The following IMMP2L variants were observed in gnomAD, a reference collection of about 807,000 sequenced individuals.
IMMP2L encodes inner mitochondrial membrane peptidase subunit 2.
Under a neutral mutation model 19.3 loss-of-function variants are expected in IMMP2L, and 18 were observed. The ratio of observed to expected loss-of-function variants is 0.93; its 90% CI spans 0.64 to 1.38. The LOEUF (loss-of-function observed/expected upper bound fraction) is 1.38, where lower values mean the gene tolerates loss of function less well. Among genes scored for constraint, IMMP2L ranks in the 40% most tolerant of loss-of-function variants. The pLI, the probability that IMMP2L is intolerant of heterozygous loss-of-function variation, is 0.00. For synonymous variants in IMMP2L, 76 were observed against 73.0 expected (o/e 1.04, Z -0.21); for missense variants, 233 against 218.2 (o/e 1.07, Z -0.43).
intron 3 of IMMP2L, among the ~76,000 whole-genome samples, chr7:111,262,249 T>G (rs920425916): frequency 2.0e-5 from 3 of 151,922 alleles, no homozygotes; most frequent in Admixed American, 1.3e-4. Context: ...GGGATAAGTA[T>G]AAAAGAGAAA....
chr7:111,212,317 C>T (rs981750369), intron 3 of IMMP2L, among the ~76,000 whole-genome samples: 2 of 152,052 alleles, frequency 1.3e-5, no homozygotes, highest in Non-Finnish European at 2.9e-5. Flanking sequence ...AAAGAGCAAA[C>T]AATAATTACG....
At chr7:110,791,748 G>A (rs1800472920) in intron 5 of IMMP2L, among the ~76,000 whole-genome samples, 1 of 151,756 alleles carries the variant, frequency 6.6e-6, no homozygotes, top group South Asian at 2.1e-4. Flanking sequence ...CTCTCTGAGA[G>A]GAGACCCTAG....
At chr7:110,785,203 A>C (rs1257880745) in intron 5 of IMMP2L, among the ~76,000 whole-genome samples, 2 of 151,960 alleles carry the variant, frequency 1.3e-5, no homozygotes, top group African/African-American at 2.4e-5. Flanking sequence ...ATTAAAAATA[A>C]ATGTGTTTTA....
At chr7:110,831,436 T>C (rs1460484943) in intron 5 of IMMP2L, among the ~76,000 whole-genome samples, 1 of 152,174 alleles carries the variant, frequency 6.6e-6, no homozygotes, top group African/African-American at 2.4e-5. Context: ...GAGTGTTTGA[T>C]TACACAATTT....
At chr7:111,202,197 A>T (rs1490153233) in intron 3 of IMMP2L, among the ~76,000 whole-genome samples, 1 of 152,172 alleles carries the variant, frequency 6.6e-6, no homozygotes, top group Non-Finnish European at 1.5e-5. Flanking sequence ...GTTTCCTTTG[A>T]TATCAGGTTA....
At chr7:111,446,917 C>T (rs1838525176) in intron 3 of IMMP2L, among the ~76,000 whole-genome samples, 2 of 149,662 alleles carry the variant, frequency 1.3e-5, no homozygotes, top group African/African-American at 5.0e-5. Context: ...AATGCAGAAG[C>T]CTCAGGAGCC....
intron 3 of IMMP2L, among the ~76,000 whole-genome samples, chr7:111,191,002 G>A (rs1453424281): frequency 2.0e-5 from 3 of 152,026 alleles, no homozygotes; most frequent in Non-Finnish European, 2.9e-5. Context: ...CTTTGAGCGG[G>A]CAAACGGAAT....
chr7:111,281,212 AAGAAAAAG>A (rs1257769503), intron 3 of IMMP2L, among the ~76,000 whole-genome samples: 97 of 53,068 alleles, frequency 1.8e-3, no homozygotes, highest in African/African-American at 3.2e-3. Context: ...GAAAGAAAGA[AAGAAAAAG>A]AAAGAAAGAA....
chr7:111,451,095 C>G (rs1269175588), intron 3 of IMMP2L, among the ~76,000 whole-genome samples: 1 of 147,018 alleles, frequency 6.8e-6, no homozygotes, highest in African/African-American at 2.6e-5. Context: ...AATAGGAACA[C>G]TTTTACACTG....
rs757329203 is a variant in IMMP2L, at chr7:111,337,646, G to A, written c.239+149592C>T. Among the ~76,000 whole-genome samples the A allele has an allele frequency of 4.3e-4, 66 of 152,084 alleles. 2 individuals are homozygous for A. Among genetic ancestry groups the A allele is most frequent in the Admixed American group, 4.3e-3 (65 of 15,240 alleles). On this transcript the variant is annotated intron_variant, in intron 3 of 5. Coordinates refer to ENST00000405709, the MANE Select transcript of IMMP2L (RefSeq NM_032549.4). ...GTGTCTTAGTTACCCAAGGTAAACA[G>A]AGAAACTAAGTACCATACATGGGCA...
At chr7:111,377,286 T>C (rs1226165551) in intron 3 of IMMP2L, among the ~76,000 whole-genome samples, 1 of 151,908 alleles carries the variant, frequency 6.6e-6, no homozygotes, top group Non-Finnish European at 1.5e-5. Flanking sequence ...TATGCGTTCA[T>C]ATATATAAAG....
intron 3 of IMMP2L, among the ~76,000 whole-genome samples, chr7:111,272,523 G>T (rs779600475): frequency 1.4e-4 from 21 of 152,166 alleles, no homozygotes; most frequent in Non-Finnish European, 2.6e-4. Flanking sequence ...GAACCATTCT[G>T]TCTTGTTCAA....
intron 2 of IMMP2L, among the ~76,000 whole-genome samples, chr7:111,496,279 A>G (rs1405415432): frequency 6.6e-6 from 1 of 152,122 alleles, no homozygotes; most frequent in East Asian, 1.9e-4. Flanking sequence ...AATAAAATAG[A>G]CTATAATGTA....
intron 1 of IMMP2L, among the ~76,000 whole-genome samples, chr7:111,561,210 G>T (rs971323683): frequency 2.6e-5 from 4 of 152,154 alleles, no homozygotes; most frequent in Non-Finnish European, 5.9e-5. Flanking sequence ...GAGAACTTCA[G>T]TGTCCTTTTT....
intron 3 of IMMP2L, among the ~76,000 whole-genome samples, chr7:111,260,702 T>C (rs1817225087): frequency 6.6e-6 from 1 of 152,126 alleles, no homozygotes; most frequent in Non-Finnish European, 1.5e-5. Context: ...TAAGAATAAG[T>C]CATTTTCATG....
At chr7:110,806,012 C>T (rs1325202494) in intron 5 of IMMP2L, among the ~76,000 whole-genome samples, 1 of 151,926 alleles carries the variant, frequency 6.6e-6, no homozygotes, top group Non-Finnish European at 1.5e-5. Flanking sequence ...GGAAGCCATT[C>T]ATTCAATAAA....
At chr7:111,187,357 A>G (rs960234944) in intron 3 of IMMP2L, among the ~76,000 whole-genome samples, 3 of 152,180 alleles carry the variant, frequency 2.0e-5, no homozygotes, top group East Asian at 1.9e-4. Flanking sequence ...CCAACTAAAT[A>G]TAATGCTGGC....
chr7:110,786,179 T>C (rs1379223471), intron 5 of IMMP2L, among the ~76,000 whole-genome samples: 4 of 152,016 alleles, frequency 2.6e-5, no homozygotes, highest in African/African-American at 7.2e-5. Flanking sequence ...GAAATTAGTT[T>C]AGTCTAATGT....
chr7:111,487,628 A>C (rs897619546), intron 2 of IMMP2L, among the ~76,000 whole-genome samples: 7 of 152,188 alleles, frequency 4.6e-5, no homozygotes, highest in African/African-American at 1.7e-4. Context: ...AAAAGCCTTA[A>C]GAATAATATA....
Sources: gnomAD v4.1 joint callset for allele counts (sites outside exome capture counted in the v4.1 genomes callset) on GRCh38, gnomAD v4.1.1 for gene constraint, MANE v1.5 for transcripts, NCBI Gene and HGNC (gene_info 2026-07-23, HGNC 2026-07-21) for gene names.